Variants in NOX1 observed in about 807,000 individuals in gnomAD.
NOX1 encodes NADPH oxidase 1, also known as NADH/NADPH mitogenic oxidase subunit P65-MOX.
Under a neutral mutation model 42.5 loss-of-function variants are expected in NOX1, and 34 were observed. The observed-to-expected ratio is 0.80, with a 90% confidence interval of 0.61 to 1.07. NOX1 has a LOEUF of 1.07. Ranked by LOEUF, NOX1 falls within the 50% of genes least tolerant of loss-of-function variation. The pLI, the probability that NOX1 is intolerant of heterozygous loss-of-function variation, is 0.00. For missense variants in NOX1, 408 were observed against 427.0 expected, an observed-to-expected ratio of 0.96 and a Z score of 0.39; for synonymous variants, 143 against 152.5, an observed-to-expected ratio of 0.94 and a Z score of 0.46.
chrX:100,850,493 C>T (rs1367163883), intron 8 of NOX1, 107 bp from the exon 9 acceptor site: 19 of 497,117 alleles, frequency 3.8e-5, no homozygotes, highest in East Asian at 2.9e-4. Flanking sequence ...TGGTGAACTA[C>T]AAACACAAGT....
Position 100,843,575 on chromosome X carries a change from G to A in NOX1, c.*377C>T, listed in dbSNP as rs2085051342. 3.9e-6 allele frequency: 3 copies of A among 763,664 alleles called. No homozygotes were observed. The allele number at this position is 763,664 out of a possible 1,213,427, so 62.9% of individuals were successfully genotyped here. ...TTCTGTGGGGGTGGGAGGGACAAAA[G>A]ATTACAAACCAAAACTCAGGAGATG... On this transcript the variant is annotated 3_prime_UTR_variant, in exon 13 of 13. Coordinates refer to ENST00000372966, the MANE Select transcript of NOX1 (RefSeq NM_007052.5).
intron 8 of NOX1, 129 bp from the exon 9 acceptor site, chrX:100,850,515 A>T: frequency 2.2e-6 from 1 of 453,385 alleles, no homozygotes; most frequent in Non-Finnish European, 3.8e-6. Flanking sequence ...CTCTCTAAAG[A>T]GGGCAGCAGC....
chrX:100,874,203 G>T lies in NOX1; in HGVS notation c.-64C>A, dbSNP rs2085293853. ...AAGATTCAGCAATCCGGATTCTGGA[G>T]AGGTCCTTCAGGAATGGAACATTTG... is the stretch of plus-strand genomic sequence containing the variant. On this transcript the variant is annotated 5_prime_UTR_variant, in exon 1 of 13. Coordinates refer to ENST00000372966, the MANE Select transcript of NOX1 (RefSeq NM_007052.5). 1 of 815,473 alleles carries T rather than the reference G, an allele frequency of 1.2e-6. No individual in the cohort carries two copies. Among genetic ancestry groups the T allele is most frequent in the Non-Finnish European group, 1.8e-6 (1 of 544,199 alleles). 67.2% of individuals were successfully genotyped at this position (815,473 alleles called of 1,213,427 possible).
At position 100,851,288 on chromosome X, in the gene NOX1, A is replaced by G; in HGVS notation, c.842T>C (p.Ile281Thr). The change falls in exon 8 of 13, where the codon ATC becomes ACC. Residue 281 changes from isoleucine (I) to threonine (T), a missense_variant. Physicochemically the swap from Ile to Thr is moderately conservative, Grantham distance 89. Transcript: ENST00000372966. The stretch of plus-strand genomic sequence containing the variant: ...GTAAAACCGGAGGATCCTTTCACAG[A>G]TATAAAGAATGACCGGTGCAAGGAT... ...KWILAPVILY[I>T]CERILRFYRS... 5 of 1,196,481 alleles carry G rather than the reference A, an allele frequency of 4.2e-6. No individual in the cohort carries two copies. Among genetic ancestry groups the G allele is most frequent in the Non-Finnish European group, 5.7e-6 (5 of 884,383 alleles).
chrX:100,874,207 T>A lies in NOX1; in HGVS notation c.-68A>T. ...TTCAGCAATCCGGATTCTGGAGAGG[T>A]CCTTCAGGAATGGAACATTTGTCCA... On this transcript the variant is annotated 5_prime_UTR_variant, in exon 1 of 13. Transcript: ENST00000372966. The A allele has an allele frequency of 6.4e-6, 5 of 776,728 alleles. No homozygotes were observed. Among genetic ancestry groups the A allele is most frequent in the Non-Finnish European group, 9.8e-6 (5 of 508,776 alleles). The allele number at this position is 776,728 out of a possible 1,213,427, so 64.0% of individuals were successfully genotyped here. A position where few individuals can be genotyped will look rare whatever the true frequency, so the allele number is the denominator to read the frequency against.
At chrX:100,870,686 A>C in intron 2 of NOX1, 33 bp downstream of exon 2, 143 of 860,385 alleles carry the variant, frequency 1.7e-4, no homozygotes, top group Non-Finnish European at 2.2e-4. Context: ...GGAAAACAAT[A>C]GAGATTCTAT....
chrX:100,866,417 G>A (rs190509555), intron 2 of NOX1, among the ~76,000 whole-genome samples: 1,148 of 109,128 alleles, frequency 0.011, 27 homozygotes, highest in African/African-American at 0.037. Context: ...GTGAATAAAC[G>A]ATAGTACCCA....
chrX:100,863,142 T>C lies in NOX1; in HGVS notation c.337+17A>G, dbSNP rs772301692. 2.6e-6 allele frequency: 3 copies of C among 1,140,415 alleles called. No individual in the cohort carries two copies. Among genetic ancestry groups the C allele is most frequent in the Admixed American group, 4.4e-5 (2 of 45,935 alleles). 94.0% of individuals were successfully genotyped at this position (1,140,415 alleles called of 1,213,427 possible). On this transcript the variant is annotated intron_variant, in intron 4 of 12. Transcript: ENST00000372966. Reference sequence around the variant, plus strand: ...GAATGCCCTGGAGTCTGCAGATTCATGGATTGCCTGAGTTACCTGTATGTA... The same window carrying C: ...GAATGCCCTGGAGTCTGCAGATTCACGGATTGCCTGAGTTACCTGTATGTA...
At chrX:100,866,587 G>A (rs2085239763) in intron 2 of NOX1, among the ~76,000 whole-genome samples, 1 of 109,964 alleles carries the variant, frequency 9.1e-6, no homozygotes, top group Non-Finnish European at 1.9e-5. Context: ...TTCGCTTGGT[G>A]CAAAAGTAAT....
chrX:100,848,268 C>T (rs2085087231), intron 12 of NOX1, among the ~76,000 whole-genome samples: 1 of 110,167 alleles, frequency 9.1e-6, no homozygotes, highest in Admixed American at 9.6e-5. Context: ...AATACCTTTC[C>T]TAAATCCTAA....
At chrX:100,847,485 C>T (rs1256752322) in intron 12 of NOX1, among the ~76,000 whole-genome samples, 3 of 110,630 alleles carry the variant, frequency 2.7e-5, no homozygotes, top group Admixed American at 9.6e-5. Context: ...GTAACCAAGG[C>T]GGGGCTTGGT....
intron 2 of NOX1, among the ~76,000 whole-genome samples, chrX:100,866,801 C>G (rs2085241344): frequency 9.1e-6 from 1 of 109,625 alleles, no homozygotes; most frequent in African/African-American, 3.3e-5. Flanking sequence ...GAAAAATGAC[C>G]CACTGGGTAC....
intron 1 of NOX1, among the ~76,000 whole-genome samples, chrX:100,872,384 A>G (rs1231340294): frequency 8.9e-6 from 1 of 112,238 alleles, no homozygotes. Flanking sequence ...AGTGATATCT[A>G]GGAGTAAGGC....
intron 8 of NOX1, 66 bp downstream of exon 8, chrX:100,851,167 A>T: frequency 1.4e-6 from 1 of 696,422 alleles, no homozygotes; most frequent in Admixed American, 3.2e-5. Flanking sequence ...CAACATAAAA[A>T]TTTAGTTCTG....
At chrX:100,850,804 C>T (rs2085108994) in intron 8 of NOX1, among the ~76,000 whole-genome samples, 1 of 110,932 alleles carries the variant, frequency 9.0e-6, no homozygotes, top group South Asian at 3.9e-4. Context: ...CAGTTCTGTC[C>T]AGTGCTGGAG....
rs2085294254 is a variant in NOX1 at position 100,874,288 on chromosome X, C to T, written c.-149G>A. On this transcript the variant is annotated 5_prime_UTR_variant, in exon 1 of 13. Transcript: ENST00000372966. ...AAAACACACACCTACCCCAAGAGTT[C>T]CTGGGAATGAATAAGTTTATTCTGC... 2.2e-6 allele frequency: 1 copy of T among 460,164 alleles called. No individual in the cohort carries two copies. The highest frequency in any genetic ancestry group is 3.5e-5 in the Admixed American group (1 of 28,641). 37.9% of individuals were successfully genotyped at this position (460,164 alleles called of 1,213,427 possible).
intron 7 of NOX1, among the ~76,000 whole-genome samples, chrX:100,853,486 C>G (rs766486070): frequency 1.1e-5 from 1 of 92,120 alleles, no homozygotes; most frequent in Non-Finnish European, 2.3e-5. Context: ...CTGCAACCCC[C>G]GCCTCCCGGG....
chrX:100,845,805 TA>T (rs1323194407), intron 12 of NOX1, among the ~76,000 whole-genome samples: 1 of 86,983 alleles, frequency 1.1e-5, no homozygotes, highest in African/African-American at 4.3e-5. Flanking sequence ...TTTTTTTTTT[TA>T]ATGGAATCTC....
chrX:100,863,322 G>A, intron 3 of NOX1, 79 bp from the exon 4 acceptor site: 2 of 934,770 alleles, frequency 2.1e-6, no homozygotes, highest in African/African-American at 1.9e-5. Context: ...AATATGTCTT[G>A]CATATAGCAT....
Sources: allele counts gnomAD v4.1 joint callset (sites outside exome capture counted in the v4.1 genomes callset), GRCh38; gene constraint gnomAD v4.1.1; transcripts MANE v1.5; gene names NCBI Gene and HGNC (gene_info 2026-07-23, HGNC 2026-07-21).